GPATCH2: variants seen among roughly 807,000 people sequenced by gnomAD.
GPATCH2 encodes the protein G-patch domain containing 2.
GPATCH2 carries 51 observed loss-of-function variants against 58.0 expected under a neutral mutation model. The ratio of observed to expected loss-of-function variants is 0.88; its 90% CI spans 0.70 to 1.11. The LOEUF (loss-of-function observed/expected upper bound fraction) is 1.11. Ranked by LOEUF, GPATCH2 falls within the 50% of genes most tolerant of loss-of-function variation. GPATCH2 has a pLI of 0.00. For missense variants in GPATCH2, 625 were observed against 652.2 expected, an observed-to-expected ratio of 0.96 and a Z score of 0.45; for synonymous variants, 222 against 218.5, an observed-to-expected ratio of 1.02 and a Z score of -0.14.
chr1:217,536,193 A>G (rs1664452352), intron 5 of GPATCH2, among the ~76,000 whole-genome samples: 1 of 152,220 alleles, frequency 6.6e-6, no homozygotes, highest in South Asian at 2.1e-4. Context: ...AGTGCTTTGT[A>G]GTCAGATGAA....
Position 217,620,142 on chromosome 1 carries a change from C to T in GPATCH2, c.414G>A (p.Gly138=), listed in dbSNP as rs140815718. The T allele has an allele frequency of 7.8e-3, 12,644 of 1,614,044 alleles. 80 individuals are homozygous for T. Among genetic ancestry groups the T allele is most frequent in the Non-Finnish European group, 9.4e-3 (11,118 of 1,179,948 alleles). The change falls in exon 2 of 10, where the codon GGG becomes GGA. Residue 138 remains glycine (G), a synonymous_variant. Coordinates refer to ENST00000366935, the MANE Select transcript of GPATCH2 (RefSeq NM_018040.5). ...PSSNLNNNVR[G]KRPLWHESDF... ...CAGACTCATGCCATAGAGGTCTTTT[C>T]CCTCGAACATTATTATTTAAGTTTG...
At chr1:217,432,767 A>G (rs972555231) in intron 9 of GPATCH2, among the ~76,000 whole-genome samples, 1 of 152,222 alleles carries the variant, frequency 6.6e-6, no homozygotes, top group African/African-American at 2.4e-5. Flanking sequence ...GAGAGATGAA[A>G]GTCTATCTTA....
chr1:217,497,149 G>T lies in GPATCH2; in HGVS notation c.1206+1207C>A, dbSNP rs1662052394. 2.0e-5 allele frequency among the ~76,000 whole-genome samples: 3 copies of T among 152,144 alleles called. 1 individual carries two copies. The South Asian group carries it at 6.2e-4, about 32-fold the overall frequency. ...GGTAGAAAATGAGCTTTATAAAATT[G>T]TATTTTCAGATAAAATATATCCTGA... On this transcript the variant is annotated intron_variant, in intron 7 of 9. Transcript: ENST00000366935.
intron 5 of GPATCH2, among the ~76,000 whole-genome samples, chr1:217,590,603 C>T (rs1167534742): frequency 2.6e-5 from 4 of 152,110 alleles, no homozygotes. Flanking sequence ...CCTTTTATGG[C>T]CATCATAGCA....
chr1:217,618,565 C>T (rs542551831), intron 2 of GPATCH2, among the ~76,000 whole-genome samples: 2 of 151,924 alleles, frequency 1.3e-5, no homozygotes, highest in East Asian at 3.9e-4. Flanking sequence ...GACTAGCACA[C>T]CATGTCTAAT....
chr1:217,593,809 A>G (rs1667698935), intron 5 of GPATCH2, among the ~76,000 whole-genome samples: 1 of 152,120 alleles, frequency 6.6e-6, no homozygotes, highest in Non-Finnish European at 1.5e-5. Context: ...ACATAGCTAG[A>G]ATAGATCTGC....
intron 6 of GPATCH2, among the ~76,000 whole-genome samples, chr1:217,504,628 T>G (rs1662464430): frequency 6.6e-6 from 1 of 152,200 alleles, no homozygotes; most frequent in African/African-American, 2.4e-5. Context: ...AACGATTTTA[T>G]GAAATAGTCC....
intron 9 of GPATCH2, among the ~76,000 whole-genome samples, chr1:217,438,833 C>A (rs940071412): frequency 6.6e-6 from 1 of 152,112 alleles, no homozygotes; most frequent in Admixed American, 6.5e-5. Flanking sequence ...CCTAGTAAGA[C>A]AGGCCAACAC....
chr1:217,518,966 A>C (rs1663315727), intron 5 of GPATCH2, among the ~76,000 whole-genome samples: 1 of 152,230 alleles, frequency 6.6e-6, no homozygotes, highest in Non-Finnish European at 1.5e-5. Context: ...CCTCCCGGCC[A>C]GTTTGTCAAG....
At chr1:217,556,367 T>C (rs1398076926) in intron 5 of GPATCH2, among the ~76,000 whole-genome samples, 1 of 152,204 alleles carries the variant, frequency 6.6e-6, no homozygotes, top group Non-Finnish European at 1.5e-5. Context: ...TTAATCATTC[T>C]CTTTCTATTC....
chr1:217,598,102 G>A (rs903615156), intron 5 of GPATCH2, among the ~76,000 whole-genome samples: 6 of 152,118 alleles, frequency 3.9e-5, no homozygotes, highest in Non-Finnish European at 8.8e-5. Flanking sequence ...AAAACATAGG[G>A]TCGGTGGGCG....
chr1:217,567,912 C>T (rs549447376), intron 5 of GPATCH2, among the ~76,000 whole-genome samples: 104 of 152,196 alleles, frequency 6.8e-4, no homozygotes, highest in African/African-American at 2.4e-3. Context: ...GTCAGGAGAT[C>T]GAGACTATCC....
At chr1:217,627,122 C>A (rs1669507272) in intron 1 of GPATCH2, among the ~76,000 whole-genome samples, 1 of 151,928 alleles carries the variant, frequency 6.6e-6, no homozygotes, top group Admixed American at 6.6e-5. Flanking sequence ...TCTGTTTATT[C>A]ATCATAAAAA....
chr1:217,545,188 G>C (rs1454294296), intron 5 of GPATCH2, among the ~76,000 whole-genome samples: 1 of 152,202 alleles, frequency 6.6e-6, no homozygotes, highest in Non-Finnish European at 1.5e-5. Context: ...TTTCTCACAG[G>C]CGGCTACAAT....
intron 7 of GPATCH2, among the ~76,000 whole-genome samples, chr1:217,497,986 T>G (rs887257079): frequency 6.6e-6 from 1 of 152,188 alleles, no homozygotes; most frequent in South Asian, 2.1e-4. Context: ...GATACAAATA[T>G]TCTCTTCCTG....
intron 9 of GPATCH2, among the ~76,000 whole-genome samples, chr1:217,441,247 C>A (rs1659123501): frequency 6.6e-6 from 1 of 152,132 alleles, no homozygotes; most frequent in Non-Finnish European, 1.5e-5. Context: ...GAAAAACAAG[C>A]AATGGGGAAA....
chr1:217,524,853 G>C lies in GPATCH2; in HGVS notation c.1099-9964C>G, dbSNP rs190067179. ...CTTGGCATCAGAGGGAGACCGGGGA[G>C]AGGGGAGAGGGGAGAGGGGAGAGGG... On this transcript the variant is annotated intron_variant, in intron 5 of 9. Transcript: ENST00000366935. Among the ~76,000 whole-genome samples, 15 of 15,118 alleles carry C rather than the reference G, an allele frequency of 9.9e-4. 2 individuals are homozygous for C. The highest frequency in any genetic ancestry group is 7.4e-3 in the South Asian group (2 of 270). 9.9% of individuals were successfully genotyped at this position (15,118 alleles called of 152,430 possible). A position where few individuals can be genotyped will look rare whatever the true frequency, so the allele number is the denominator to read the frequency against.
intron 5 of GPATCH2, among the ~76,000 whole-genome samples, chr1:217,567,313 T>C (rs1322373791): frequency 6.6e-6 from 1 of 152,240 alleles, no homozygotes; most frequent in Admixed American, 6.5e-5. Flanking sequence ...CCCAAAGTGC[T>C]GGGATTACAG....
intron 5 of GPATCH2, among the ~76,000 whole-genome samples, chr1:217,557,362 A>G (rs1389991137): frequency 2.0e-5 from 3 of 149,756 alleles, no homozygotes; most frequent in East Asian, 3.9e-4. Context: ...AGGTGAGATC[A>G]CACACCACTG....
Sources: gnomAD v4.1 joint callset for allele counts (sites outside exome capture counted in the v4.1 genomes callset) on GRCh38, gnomAD v4.1.1 for gene constraint, MANE v1.5 for transcripts, NCBI Gene and HGNC (gene_info 2026-07-23, HGNC 2026-07-21) for gene names.